The following PAPSS1 variants were observed in gnomAD, a reference collection of about 807,000 sequenced individuals.
The protein encoded by PAPSS1 is 3'-phosphoadenosine 5'-phosphosulfate synthase 1, also known as bifunctional 3'-phosphoadenosine 5'-phosphosulfate synthase 1.
Under a neutral mutation model 72.0 loss-of-function variants are expected in PAPSS1, and 50 were observed. The ratio of observed to expected loss-of-function variants is 0.69; its 90% CI spans 0.55 to 0.88. The LOEUF (loss-of-function observed/expected upper bound fraction) is 0.88. PAPSS1 is among the 40% of genes least tolerant of loss of function. The pLI is 0.00. For synonymous variants in PAPSS1, 261 were observed against 263.6 expected (o/e 0.99, Z 0.09); for missense variants, 657 against 782.2 (o/e 0.84, Z 1.91).
chr4:107,711,735 T>G (rs1723501618), intron 1 of PAPSS1, among the ~76,000 whole-genome samples: 2 of 152,202 alleles, frequency 1.3e-5, no homozygotes, highest in Non-Finnish European at 2.9e-5. Context: ...GACTGTAGAA[T>G]ACAATGAAAA....
intron 9 of PAPSS1, among the ~76,000 whole-genome samples, chr4:107,652,468 A>G (rs1281557399): frequency 6.6e-6 from 1 of 152,204 alleles, no homozygotes; most frequent in Non-Finnish European, 1.5e-5. Flanking sequence ...GGAGTGCTTT[A>G]TAATATAGAA....
chr4:107,719,617 C>T (rs1465048986), intron 1 of PAPSS1, among the ~76,000 whole-genome samples: 1 of 152,190 alleles, frequency 6.6e-6, no homozygotes, highest in Non-Finnish European at 1.5e-5. Flanking sequence ...CACTGAAACT[C>T]AGAAATGGAA....
intron 1 of PAPSS1, among the ~76,000 whole-genome samples, chr4:107,709,672 A>G (rs1723434965): frequency 2.6e-5 from 4 of 152,130 alleles, no homozygotes; most frequent in Admixed American, 2.6e-4. Flanking sequence ...CTGACTCTCA[A>G]TGGCTCCACC....
chr4:107,630,186 G>A (rs1213174962), intron 11 of PAPSS1, among the ~76,000 whole-genome samples: 1 of 141,480 alleles, frequency 7.1e-6, no homozygotes, highest in Non-Finnish European at 1.6e-5. Flanking sequence ...TCACAAAAGT[G>A]TCCTGATCTT....
chr4:107,711,861 A>T (rs912126086), intron 1 of PAPSS1, among the ~76,000 whole-genome samples: 3 of 152,252 alleles, frequency 2.0e-5, no homozygotes, highest in African/African-American at 7.2e-5. Context: ...GCAAGTGAAG[A>T]TCATACATCC....
At chr4:107,629,443 T>C (rs1039949222) in intron 11 of PAPSS1, among the ~76,000 whole-genome samples, 1 of 152,168 alleles carries the variant, frequency 6.6e-6, no homozygotes, top group African/African-American at 2.4e-5. Flanking sequence ...ACCATAGACA[T>C]CTCAGTTGGT....
chr4:107,660,956 A>G (rs1727164569), intron 5 of PAPSS1, among the ~76,000 whole-genome samples: 2 of 152,220 alleles, frequency 1.3e-5, no homozygotes, highest in Admixed American at 1.3e-4. Context: ...CAAAAGTTAT[A>G]TCTTTAGATA....
intron 5 of PAPSS1, among the ~76,000 whole-genome samples, chr4:107,673,652 ATCTAGCAAGGCAGGCCAACAT>A (rs1695818383): frequency 6.6e-6 from 1 of 152,202 alleles, no homozygotes; most frequent in Non-Finnish European, 1.5e-5. Context: ...AACTTCCCCA[ATCTAGCAAGGCAGGCCAACAT>A]TCAAATTCAG....
chr4:107,670,974 C>G (rs1727452431), intron 5 of PAPSS1, among the ~76,000 whole-genome samples: 1 of 152,176 alleles, frequency 6.6e-6, no homozygotes, highest in Non-Finnish European at 1.5e-5. Context: ...CTAAAGGGCA[C>G]ACAGAACTGG....
Position 107,631,652 on chromosome 4 carries a change from A to G in PAPSS1, c.1715T>C (p.Met572Thr). The G allele has an allele frequency of 1.2e-6, 2 of 1,613,248 alleles. No individual in the cohort carries two copies. The highest frequency in any genetic ancestry group is 1.3e-5 in the African/African-American group (1 of 75,028). Residue 572 changes from methionine (M) to threonine (T), a missense_variant, in exon 11 of 12, where the codon ATG (methionine) becomes ACG (threonine). This residue lies in a region of PAPSS1 where 103 missense variants were observed against 93.8 expected (regional missense o/e 1.10). Coordinates refer to ENST00000265174, the MANE Select transcript of PAPSS1 (RefSeq NM_005443.5). ...TTACTGTTCAGAGTCATAGTAGTCCATACGCTTCTTTTTCTTGTTGTAAGC... is the reference window on the plus strand; with the variant it reads ...TTACTGTTCAGAGTCATAGTAGTCCGTACGCTTCTTTTTCTTGTTGTAAGC... ...VAAYNKKKKR[M>T]DYYDSEHHED...
intron 5 of PAPSS1, among the ~76,000 whole-genome samples, chr4:107,681,096 T>C (rs945653146): frequency 1.3e-5 from 2 of 152,074 alleles, no homozygotes; most frequent in Non-Finnish European, 2.9e-5. Context: ...GTCTAATATA[T>C]CCAGTAAGAT....
intron 1 of PAPSS1, among the ~76,000 whole-genome samples, chr4:107,708,007 T>C (rs1048533612): frequency 1.5e-4 from 23 of 152,184 alleles, no homozygotes; most frequent in African/African-American, 5.6e-4. Flanking sequence ...TACCATTACC[T>C]GAAAAATCCT....
rs1395604761 is a variant in PAPSS1 at position 107,682,099 on chromosome 4, T to C, written c.585A>G (p.Pro195=). The C allele has an allele frequency of 4.4e-6, 7 of 1,608,022 alleles. No individual in the cohort carries two copies. Among genetic ancestry groups the C allele is most frequent in the South Asian group, 1.1e-5 (1 of 90,770 alleles). The change falls in exon 5 of 12, where the codon CCA becomes CCG. Residue 195 remains proline (P), a synonymous_variant. Coordinates refer to ENST00000265174, the MANE Select transcript of PAPSS1 (RefSeq NM_005443.5). ...FTGIDSEYEK[P]EAPELVLKTD... ...TTTTCAGCACCAACTCAGGGGCCTC[T>C]GGCTTTTCATATTCAGAATCGATCC...
Position 107,614,331 on chromosome 4 carries a change from C to T in PAPSS1, c.1793G>A (p.Gly598Asp). The part of the protein sequence containing the change: ...GTRMRKLARE[G>D]QKPPEGFMAP... ...CATGAAACCTTCAGGTGGTTTCTGGCCTTCTCGAGCAAGTTTGCGCATTCG... is the reference window on the plus strand; with the variant it reads ...CATGAAACCTTCAGGTGGTTTCTGGTCTTCTCGAGCAAGTTTGCGCATTCG... Residue 598 changes from glycine (G) to aspartate (D), a missense_variant, in exon 12 of 12, where the codon GGC (glycine) becomes GAC (aspartate). Gly to Asp is a moderately conservative substitution (Grantham distance 94). This residue lies in a region of PAPSS1 where 103 missense variants were observed against 93.8 expected (regional missense o/e 1.10). Transcript: ENST00000265174. 2.5e-6 allele frequency: 4 copies of T among 1,613,840 alleles called. No homozygotes were observed. The highest frequency in any genetic ancestry group is 3.4e-6 in the Non-Finnish European group (4 of 1,179,846).
intron 2 of PAPSS1, among the ~76,000 whole-genome samples, chr4:107,696,523 A>G (rs1260112852): frequency 3.9e-5 from 6 of 152,032 alleles, no homozygotes; most frequent in Non-Finnish European, 8.8e-5. Context: ...AGCTGAACAC[A>G]TGGACATGGA....
At chr4:107,702,865 A>G (rs961841012) in intron 1 of PAPSS1, among the ~76,000 whole-genome samples, 1 of 152,188 alleles carries the variant, frequency 6.6e-6, no homozygotes, top group Non-Finnish European at 1.5e-5. Context: ...TCCTTTCATT[A>G]TACACCTAGT....
intron 4 of PAPSS1, among the ~76,000 whole-genome samples, chr4:107,682,342 T>C (rs1722644800): frequency 6.6e-6 from 1 of 152,024 alleles, no homozygotes; most frequent in Non-Finnish European, 1.5e-5. Flanking sequence ...TAAAACTACC[T>C]AAAATACCAC....
intron 11 of PAPSS1, among the ~76,000 whole-genome samples, chr4:107,629,239 G>T (rs1013968969): frequency 6.6e-6 from 1 of 152,182 alleles, no homozygotes; most frequent in Admixed American, 6.5e-5. Context: ...AAAAAGAATG[G>T]TGAAATCACT....
At chr4:107,688,932 C>T (rs574030712) in intron 3 of PAPSS1, among the ~76,000 whole-genome samples, 17 of 152,244 alleles carry the variant, frequency 1.1e-4, no homozygotes, top group African/African-American at 4.1e-4. Flanking sequence ...CAAGGAAGAC[C>T]ACACTACACA....
Sources: allele counts gnomAD v4.1 joint callset (sites outside exome capture counted in the v4.1 genomes callset), GRCh38; gene constraint gnomAD v4.1.1; regional missense constraint gnomAD v4.1.1; transcripts MANE v1.5; gene names NCBI Gene and HGNC (gene_info 2026-07-23, HGNC 2026-07-21).